Variants in HEATR6 observed in about 807,000 individuals in gnomAD.
The protein encoded by HEATR6 is HEAT repeat containing 6.
In HEATR6, 106 loss-of-function variants were observed where a neutral mutation model predicts 132.8. The ratio of observed to expected loss-of-function variants is 0.80; its 90% CI spans 0.68 to 0.94. The LOEUF (loss-of-function observed/expected upper bound fraction) is 0.94, where lower values mean the gene tolerates loss of function less well. HEATR6 is among the 40% of genes least tolerant of loss of function. The pLI is 0.00. For synonymous variants in HEATR6, 529 were observed against 537.8 expected (o/e 0.98, Z 0.23); for missense variants, 1,339 against 1,425.1 (o/e 0.94, Z 0.97).
chr17:60,041,104 G>C lies in HEATR6; in HGVS notation c.*2459C>G, dbSNP rs1906160813. On this transcript the variant is annotated 3_prime_UTR_variant, in exon 20 of 20. Transcript: ENST00000184956. Reference sequence around the variant, plus strand: ...TGGAGGCACGTGCCCAGGCATATGAGGAGCTTCTGTCCTTTAGTGTATGTA... The same window carrying C: ...TGGAGGCACGTGCCCAGGCATATGACGAGCTTCTGTCCTTTAGTGTATGTA... Among the ~76,000 whole-genome samples the C allele has an allele frequency of 6.6e-6, 1 of 152,202 alleles. No individual in the cohort carries two copies. The highest frequency in any genetic ancestry group is 2.1e-4 in the South Asian group (1 of 4,826).
chr17:60,060,995 G>A (rs1323966279), intron 9 of HEATR6, among the ~76,000 whole-genome samples: 2 of 152,112 alleles, frequency 1.3e-5, no homozygotes, highest in African/African-American at 4.8e-5. Flanking sequence ...TGATTTTGTA[G>A]TATTAGAAAG....
rs1350017656 is a variant in HEATR6 at position 60,078,850 on chromosome 17, G to A, written c.65C>T (p.Ala22Val). 1.2e-6 allele frequency: 2 copies of A among 1,607,048 alleles called. No homozygotes were observed. Among genetic ancestry groups the A allele is most frequent in the East Asian group, 2.2e-5 (1 of 44,504 alleles). ...SVQPREAPRE[A>V]IPERGNGFRL... ...AAACCCATTGCCTCGCTCAGGGATT[G>A]CTTCCCGCGGTGCCTCCCGCGGCTG... The change falls in exon 1 of 20, where the codon GCA becomes GTA. Residue 22 changes from alanine to valine, a missense_variant. Transcript: ENST00000184956.
Position 60,070,818 on chromosome 17 carries a change from A to G in HEATR6, c.700-11T>C, listed in dbSNP as rs778009823. ...TGCATTTTGCAATAACTAGGGGGAA[A>G]AGGGAGACCCAGTTAGAAGGCAGAA... On this transcript the variant is annotated splice_polypyrimidine_tract_variant and intron_variant, in intron 5 of 19. Transcript: ENST00000184956. 38 of 1,388,444 alleles carry G rather than the reference A, an allele frequency of 2.7e-5. No individual in the cohort carries two copies. The highest frequency in any genetic ancestry group is 3.8e-5 in the Non-Finnish European group (37 of 974,404). 86.0% of individuals were successfully genotyped at this position (1,388,444 alleles called of 1,614,324 possible).
At chr17:60,074,370 C>A (rs775465976) in intron 2 of HEATR6, among the ~76,000 whole-genome samples, 2 of 152,124 alleles carry the variant, frequency 1.3e-5, no homozygotes, top group Non-Finnish European at 2.9e-5. Context: ...CCAGGCTAAT[C>A]CAAGTGTCAA....
chr17:60,066,940 T>C (rs2083244024), intron 8 of HEATR6, among the ~76,000 whole-genome samples: 1 of 152,126 alleles, frequency 6.6e-6, no homozygotes, highest in Admixed American at 6.5e-5. Context: ...AAAAAGAATA[T>C]TCTAAGGAGA....
rs756096275 is a variant in HEATR6 at position 60,067,470 on chromosome 17, A to G, written c.1202T>C (p.Phe401Ser). Residue 401 changes from phenylalanine to serine, a missense_variant, in exon 8 of 20, where the codon TTT (phenylalanine) becomes TCT (serine). Physicochemically the swap from Phe to Ser is radical, Grantham distance 155. Transcript: ENST00000184956. ...WKRVSSSESD[F>S]SDAEGGMQSK... is the part of the protein sequence containing the mutation. ...CTGCATGCCTCCTTCAGCATCAGAAAAGTCTGACTCACTACTGCTGACCCT... is the reference window on the plus strand; with the variant it reads ...CTGCATGCCTCCTTCAGCATCAGAAGAGTCTGACTCACTACTGCTGACCCT... 6.4e-7 allele frequency: 1 copy of G among 1,569,476 alleles called. No homozygotes were observed. The highest frequency in any genetic ancestry group is 2.3e-5 in the East Asian group (1 of 44,210).
At position 60,067,504 on chromosome 17, in the gene HEATR6, T is replaced by C; in HGVS notation, c.1168A>G (p.Ser390Gly). 2 of 1,608,300 alleles carry C rather than the reference T, an allele frequency of 1.2e-6. No homozygotes were observed. Among genetic ancestry groups the C allele is most frequent in the East Asian group, 2.2e-5 (1 of 44,798 alleles). Residue 390 changes from serine to glycine, a missense_variant, in exon 8 of 20, where the codon AGT (serine) becomes GGT (glycine). Transcript: ENST00000184956. The stretch of plus-strand genomic sequence containing the variant: ...TCACTACTGCTGACCCTTTTCCAAC[T>C]GGAAGAACTGAAGGATGAGGAGACT... ...DGVSSSFSSSSWKRVSSSESD... is the reference protein window; with the variant it reads ...DGVSSSFSSSGWKRVSSSESD...
At chr17:60,075,956 AT>A (rs2083293994) in intron 2 of HEATR6, 173 bp downstream of exon 2, 7 of 459,550 alleles carry the variant, frequency 1.5e-5, no homozygotes, top group East Asian at 3.4e-5. Context: ...CTACAGAATA[AT>A]TTTTTTGGAT....
chr17:60,078,413 G>A (rs1481977242), intron 1 of HEATR6, among the ~76,000 whole-genome samples: 1 of 152,158 alleles, frequency 6.6e-6, no homozygotes, highest in Non-Finnish European at 1.5e-5. Context: ...AGGGAGTGAA[G>A]GAGGGTGCGG....
intron 19 of HEATR6, among the ~76,000 whole-genome samples, chr17:60,044,669 C>G (rs892638001): frequency 6.6e-6 from 1 of 152,216 alleles, no homozygotes; most frequent in East Asian, 1.9e-4. Context: ...TTCTCCACAC[C>G]TGTAGGCCCT....
At chr17:60,045,286 G>T (rs1906325823) in intron 19 of HEATR6, among the ~76,000 whole-genome samples, 1 of 152,208 alleles carries the variant, frequency 6.6e-6, no homozygotes, top group Non-Finnish European at 1.5e-5. Context: ...ATAAAGGGGA[G>T]CAGAGCCAGA....
chr17:60,059,031 A>C (rs1037904249), intron 11 of HEATR6, among the ~76,000 whole-genome samples: 1 of 152,218 alleles, frequency 6.6e-6, no homozygotes, highest in African/African-American at 2.4e-5. Flanking sequence ...TTTCTTTCCA[A>C]AAAGTAGATA....
At position 60,043,662 on chromosome 17, in the gene HEATR6, T is replaced by C. The variant is rs115876236; in HGVS notation, c.3447A>G (p.Thr1149=). Residue 1149 remains threonine (T), a synonymous_variant, in exon 20 of 20, where the codon ACA becomes ACG. Transcript: ENST00000184956. ...AAAAGCCCATGATGGCCCTTCTGGC[T>C]GTGTCTCCAGTTGGTGCCTGGATGC... is the stretch of plus-strand genomic sequence containing the variant. ...MGSIQAPTGD[T]ARRAIMGFLE... 6.2e-7 allele frequency: 1 copy of C among 1,614,182 alleles called. No homozygotes were observed. The highest frequency in any genetic ancestry group is 8.5e-7 in the Non-Finnish European group (1 of 1,180,030).
intron 11 of HEATR6, among the ~76,000 whole-genome samples, chr17:60,058,934 T>A (rs1434888527): frequency 1.3e-5 from 2 of 152,238 alleles, no homozygotes; most frequent in African/African-American, 4.8e-5. Flanking sequence ...ATAATAAGAC[T>A]GCACTTAGTA....
intron 16 of HEATR6, among the ~76,000 whole-genome samples, chr17:60,048,736 A>C (rs376408655): frequency 3.6e-4 from 55 of 152,132 alleles, no homozygotes; most frequent in South Asian, 6.2e-4. Context: ...AAAGAAATGC[A>C]TTTCCAAAAC....
chr17:60,069,662 A>G (rs1299706391), intron 7 of HEATR6, 49 bp downstream of exon 7: 3 of 1,557,020 alleles, frequency 1.9e-6, no homozygotes, highest in South Asian at 1.1e-5. Flanking sequence ...ACACACAACA[A>G]TCTATTAAAA....
intron 6 of HEATR6, among the ~76,000 whole-genome samples, chr17:60,070,347 C>T (rs965513540): frequency 4.6e-5 from 7 of 152,044 alleles, no homozygotes; most frequent in Non-Finnish European, 7.4e-5. Flanking sequence ...CATTGACACA[C>T]GTCTTGGTTG....
rs1906779664 is a variant in HEATR6 at position 60,057,372 on chromosome 17, G to A, written c.1755C>T (p.Leu585=). 1 of 1,609,214 alleles carries A rather than the reference G, an allele frequency of 6.2e-7. No homozygotes were observed. Among genetic ancestry groups the A allele is most frequent in the Non-Finnish European group, 8.5e-7 (1 of 1,177,026 alleles). The change falls in exon 12 of 20, where the codon CTC becomes CTT. Residue 585 remains leucine (L), a synonymous_variant. Transcript: ENST00000184956. ...CGTGGGTGGACACTATAGCTCCCAA[G>A]AGTGTGAGACTTGACACACGAACAT... ...DVNVRVSSLT[L]LGAIVSTHAP... is the part of the protein sequence containing the mutation.
chr17:60,076,420 A>C, intron 1 of HEATR6, 183 bp from the exon 2 acceptor site: 1 of 543,678 alleles, frequency 1.8e-6, no homozygotes, highest in Non-Finnish European at 3.3e-6. Flanking sequence ...AAGAAGGAAA[A>C]AGCCAGGCAC....
Sources: gnomAD v4.1 joint callset for allele counts (sites outside exome capture counted in the v4.1 genomes callset) on GRCh38, gnomAD v4.1.1 for gene constraint, MANE v1.5 for transcripts, NCBI Gene and HGNC (gene_info 2026-07-23, HGNC 2026-07-21) for gene names.